Variants in SHISA9 observed in about 807,000 individuals in gnomAD.
SHISA9 encodes the protein protein shisa-9.
SHISA9 carries 13 observed loss-of-function variants against 38.0 expected under a neutral mutation model. The observed-to-expected ratio is 0.34, with a 90% CI of 0.22 to 0.54. The LOEUF (loss-of-function observed/expected upper bound fraction) is 0.54, where lower values mean the gene tolerates loss of function less well. Among genes scored for constraint, SHISA9 ranks in the 20% least tolerant of loss-of-function variants. The probability of loss-of-function intolerance (pLI) is 0.91; values close to 1 mark genes in which losing one functional copy is unlikely to be tolerated. For missense variants in SHISA9, 538 were observed against 575.8 expected, an observed-to-expected ratio of 0.93 and a Z score of 0.67; for synonymous variants, 275 against 242.0, an observed-to-expected ratio of 1.14 and a Z score of -1.27.
At position 13,236,609 on chromosome 16, in the gene SHISA9, A is replaced by G. The variant is rs1380782548; in HGVS notation, c.*1200A>G. The G allele has an allele frequency of 1.3e-5, 2 of 152,230 alleles. No homozygotes were observed. The highest frequency in any genetic ancestry group is 6.5e-5 in the Admixed American group (1 of 15,270). The allele number at this position is 152,230 out of a possible 1,614,324, so 9.4% of individuals were successfully genotyped here. On this transcript the variant is annotated 3_prime_UTR_variant, in exon 5 of 5. Coordinates refer to ENST00000558583, the MANE Select transcript of SHISA9 (RefSeq NM_001145204.3). ...ATGACAGTCTTGTTTCCCAAGTGCAACCTGTGTTCTTTTAGCCTTCCTTCC... is the reference window on the plus strand; with the variant it reads ...ATGACAGTCTTGTTTCCCAAGTGCAGCCTGTGTTCTTTTAGCCTTCCTTCC...
intron 2 of SHISA9, among the ~76,000 whole-genome samples, chr16:12,970,405 A>G (rs1343350729): frequency 1.3e-4 from 1 of 7,744 alleles, no homozygotes; most frequent in East Asian, 4.2e-3. Context: ...ATATATATAC[A>G]TATATATATA....
At chr16:13,096,893 G>A (rs2073833574) in intron 2 of SHISA9, among the ~76,000 whole-genome samples, 3 of 151,768 alleles carry the variant, frequency 2.0e-5, no homozygotes, top group Admixed American at 6.6e-5. Flanking sequence ...TGCTCAGACA[G>A]GCCATTCTCT....
chr16:13,013,852 T>G (rs891611557), intron 2 of SHISA9, among the ~76,000 whole-genome samples: 1 of 152,128 alleles, frequency 6.6e-6, no homozygotes, highest in Non-Finnish European at 1.5e-5. Context: ...CTCAGCCTCC[T>G]GAGTAGCTGG....
intron 2 of SHISA9, among the ~76,000 whole-genome samples, chr16:13,194,889 C>G (rs2050922209): frequency 6.6e-6 from 1 of 152,050 alleles, no homozygotes; most frequent in African/African-American, 2.4e-5. Flanking sequence ...ATAATGGGAG[C>G]CAGGTTTATT....
At chr16:13,314,133 AC>A in the SHISA9 span, among the ~76,000 whole-genome samples, 1 of 152,200 alleles carries the variant, frequency 6.6e-6, no homozygotes, top group Non-Finnish European at 1.5e-5. Context: ...TTTCTCTTGC[AC>A]TTTAGGATTA....
chr16:13,183,850 G>A (rs1395560182), intron 2 of SHISA9, among the ~76,000 whole-genome samples: 1 of 152,088 alleles, frequency 6.6e-6, no homozygotes, highest in Non-Finnish European at 1.5e-5. Context: ...CATGGTGTTG[G>A]TATTATGCAG....
chr16:12,970,317 G>T (rs1366618807), intron 2 of SHISA9, among the ~76,000 whole-genome samples: 4 of 87,102 alleles, frequency 4.6e-5, no homozygotes, highest in African/African-American at 9.5e-5. Context: ...CTCACTAGGG[G>T]TATATATACA....
the SHISA9 span, among the ~76,000 whole-genome samples, chr16:13,339,924 A>G: frequency 1.3e-5 from 2 of 152,244 alleles, no homozygotes; most frequent in Non-Finnish European, 2.9e-5. Flanking sequence ...CACCTTAGCT[A>G]TCAGCAATGA....
At chr16:13,512,196 C>A in the SHISA9 span, among the ~76,000 whole-genome samples, 4 of 152,222 alleles carry the variant, frequency 2.6e-5, no homozygotes, top group African/African-American at 4.8e-5. Flanking sequence ...CAACACCCAA[C>A]AAGCTAAAAT....
the SHISA9 span, among the ~76,000 whole-genome samples, chr16:13,404,841 C>T: frequency 1.2e-3 from 188 of 152,270 alleles, 1 homozygote; most frequent in Middle Eastern, 6.8e-3. Context: ...CATTAAGACA[C>T]GAGAGAGCAT....
the SHISA9 span, among the ~76,000 whole-genome samples, chr16:13,360,972 C>T: frequency 6.6e-6 from 1 of 152,198 alleles, no homozygotes; most frequent in African/African-American, 2.4e-5. Context: ...TTGCTCTACT[C>T]CTCATTCCAA....
the SHISA9 span, among the ~76,000 whole-genome samples, chr16:13,509,943 C>G: frequency 6.6e-6 from 1 of 152,160 alleles, no homozygotes; most frequent in Non-Finnish European, 1.5e-5. Context: ...TAGCCTCCAC[C>G]TCACCTTACA....
chr16:13,449,800 C>G, the SHISA9 span, among the ~76,000 whole-genome samples: 1 of 152,156 alleles, frequency 6.6e-6, no homozygotes, highest in African/African-American at 2.4e-5. Context: ...GGGAGAACCT[C>G]ATTGTCTCTT....
the SHISA9 span, among the ~76,000 whole-genome samples, chr16:13,511,904 C>T: frequency 6.6e-6 from 1 of 152,060 alleles, no homozygotes; most frequent in Admixed American, 6.6e-5. Context: ...TCCTAGACAC[C>T]TGAGAGTGGC....
the SHISA9 span, among the ~76,000 whole-genome samples, chr16:13,356,390 G>A: frequency 6.6e-6 from 1 of 152,156 alleles, no homozygotes; most frequent in African/African-American, 2.4e-5. Context: ...ATGAAAAAGA[G>A]CCTAAACGCT....
At chr16:13,170,431 A>G (rs2050676071) in intron 2 of SHISA9, among the ~76,000 whole-genome samples, 1 of 152,028 alleles carries the variant, frequency 6.6e-6, no homozygotes, top group South Asian at 2.1e-4. Context: ...TATAAAGAGA[A>G]TTGATTTGTG....
At chr16:13,178,822 A>T (rs2050753609) in intron 2 of SHISA9, among the ~76,000 whole-genome samples, 1 of 150,074 alleles carries the variant, frequency 6.7e-6, no homozygotes, top group Non-Finnish European at 1.5e-5. Context: ...TTCCAGGTCC[A>T]TGTTTTCAGA....
chr16:13,017,163 GC>G (rs1233702850), intron 2 of SHISA9, among the ~76,000 whole-genome samples: 1 of 151,908 alleles, frequency 6.6e-6, no homozygotes, highest in African/African-American at 2.4e-5. Context: ...GGGATTACAG[GC>G]CCCCGCCACC....
chr16:13,283,707 C>G, the SHISA9 span, among the ~76,000 whole-genome samples: 1 of 151,912 alleles, frequency 6.6e-6, no homozygotes. Flanking sequence ...TGGGTGGGGA[C>G]ACAGCCAAAC....
Sources: gnomAD v4.1 joint callset for allele counts (sites outside exome capture counted in the v4.1 genomes callset) on GRCh38, gnomAD v4.1.1 for gene constraint, MANE v1.5 for transcripts, NCBI Gene and HGNC (gene_info 2026-07-23, HGNC 2026-07-21) for gene names.